Variants in PHTF2 observed in about 807,000 individuals in gnomAD.
The protein encoded by PHTF2 is putative homeodomain transcription factor 2.
A neutral mutation model predicts 101.2 loss-of-function variants in PHTF2; 60 were observed. The ratio of observed to expected loss-of-function variants is 0.59; its 90% CI spans 0.48 to 0.73. PHTF2 has a LOEUF of 0.73. Among genes scored for constraint, PHTF2 ranks in the 30% least tolerant of loss-of-function variants. PHTF2 has a pLI of 0.00. For missense variants in PHTF2, 747 were observed against 908.7 expected (o/e 0.82, Z 2.29); for synonymous variants, 311 against 307.3 (o/e 1.01, Z -0.13).
At chr7:77,919,858 T>C (rs1361429207) in intron 9 of PHTF2, among the ~76,000 whole-genome samples, 1 of 152,200 alleles carries the variant, frequency 6.6e-6, no homozygotes, top group Non-Finnish European at 1.5e-5. Context: ...AAATGAGTTG[T>C]ATACTAAAAG....
At chr7:77,831,259 G>A (rs1392066006) in intron 1 of PHTF2, among the ~76,000 whole-genome samples, 3 of 152,210 alleles carry the variant, frequency 2.0e-5, no homozygotes, top group African/African-American at 4.8e-5. Flanking sequence ...AAGAACAGAA[G>A]CAATTATGGA....
intron 3 of PHTF2, among the ~76,000 whole-genome samples, chr7:77,863,792 T>G (rs1272179515): frequency 4.0e-5 from 6 of 151,400 alleles, no homozygotes; most frequent in South Asian, 4.2e-4. Flanking sequence ...GTTTTGTTTT[T>G]TTTTTTTTTT....
chr7:77,933,824 A>G (rs1319104280), intron 12 of PHTF2, among the ~76,000 whole-genome samples: 1 of 151,954 alleles, frequency 6.6e-6, no homozygotes, highest in Non-Finnish European at 1.5e-5. Context: ...AAACATGCCA[A>G]TTAGGCCTTT....
chr7:77,945,866 C>T (rs984123927), intron 16 of PHTF2, among the ~76,000 whole-genome samples: 45 of 152,036 alleles, frequency 3.0e-4, no homozygotes, highest in African/African-American at 9.2e-4. Flanking sequence ...CCTCCATACC[C>T]GTATGGTTTT....
intron 1 of PHTF2, among the ~76,000 whole-genome samples, chr7:77,830,144 G>A (rs1163458854): frequency 6.6e-6 from 1 of 152,112 alleles, no homozygotes; most frequent in Non-Finnish European, 1.5e-5. Context: ...GTGTGGGTGG[G>A]AGGTGGGGGC....
At chr7:77,883,980 G>T (rs1203040948) in intron 3 of PHTF2, among the ~76,000 whole-genome samples, 1 of 152,210 alleles carries the variant, frequency 6.6e-6, no homozygotes, top group African/African-American at 2.4e-5. Flanking sequence ...TTTCAGTTCT[G>T]TGAAATGTGT....
intron 3 of PHTF2, among the ~76,000 whole-genome samples, chr7:77,879,248 G>A (rs941138765): frequency 4.6e-5 from 7 of 152,094 alleles, no homozygotes; most frequent in Admixed American, 2.0e-4. Context: ...AGATTCTACC[G>A]TAATCATAGT....
chr7:77,823,701 A>AT (rs140608292), intron 1 of PHTF2, among the ~76,000 whole-genome samples: 291 of 152,324 alleles, frequency 1.9e-3, no homozygotes, highest in Non-Finnish European at 3.4e-3. Context: ...TATATGGTAT[A>AT]TTTGTGAACC....
chr7:77,875,970 C>A (rs993230410), intron 3 of PHTF2, among the ~76,000 whole-genome samples: 16 of 152,118 alleles, frequency 1.1e-4, no homozygotes, highest in African/African-American at 3.9e-4. Flanking sequence ...CTGCTATTAT[C>A]CTGATTTTAT....
chr7:77,863,334 T>C (rs993462960), intron 3 of PHTF2, among the ~76,000 whole-genome samples: 6 of 152,206 alleles, frequency 3.9e-5, no homozygotes, highest in African/African-American at 7.2e-5. Flanking sequence ...CTTTTACAGC[T>C]TTGGGGAATC....
intron 3 of PHTF2, among the ~76,000 whole-genome samples, chr7:77,864,758 T>C (rs1482382592): frequency 6.6e-6 from 1 of 152,210 alleles, no homozygotes; most frequent in African/African-American, 2.4e-5. Context: ...GTGTGTGTTC[T>C]TTTTGTGGCA....
intron 5 of PHTF2, among the ~76,000 whole-genome samples, chr7:77,900,242 T>C (rs1004916564): frequency 3.3e-5 from 5 of 152,192 alleles, no homozygotes; most frequent in African/African-American, 9.7e-5. Flanking sequence ...TCTCAGCTGA[T>C]TGGCGTCTGC....
At chr7:77,831,656 A>G (rs1023371612) in intron 1 of PHTF2, among the ~76,000 whole-genome samples, 2 of 152,212 alleles carry the variant, frequency 1.3e-5, no homozygotes, top group South Asian at 2.1e-4. Context: ...TTGCCAACCA[A>G]TACCACAGCT....
At chr7:77,806,751 C>A (rs1793013577) in intron 1 of PHTF2, among the ~76,000 whole-genome samples, 1 of 151,858 alleles carries the variant, frequency 6.6e-6, no homozygotes, top group African/African-American at 2.4e-5. Context: ...TTTTTGGATT[C>A]TTTGAGTATT....
intron 12 of PHTF2, among the ~76,000 whole-genome samples, chr7:77,933,675 A>T (rs974797775): frequency 1.3e-5 from 2 of 151,788 alleles, no homozygotes; most frequent in Non-Finnish European, 2.9e-5. Flanking sequence ...ATTTTCCCAG[A>T]GATAACTATA....
chr7:77,889,267 T>A (rs1800147908), intron 3 of PHTF2, among the ~76,000 whole-genome samples: 1 of 152,178 alleles, frequency 6.6e-6, no homozygotes. Context: ...AAAGTGAGAC[T>A]AAAGGCTGGA....
At chr7:77,822,371 GA>G (rs1311129364) in intron 1 of PHTF2, among the ~76,000 whole-genome samples, 2 of 152,148 alleles carry the variant, frequency 1.3e-5, no homozygotes, top group African/African-American at 4.8e-5. Flanking sequence ...CTAACCTCCA[GA>G]GCAGGGTGCA....
At chr7:77,835,134 C>T (rs1404740972) in intron 1 of PHTF2, among the ~76,000 whole-genome samples, 6 of 151,692 alleles carry the variant, frequency 4.0e-5, no homozygotes, top group African/African-American at 9.7e-5. Context: ...ATTAGCCAGG[C>T]GTGGTGGTGG....
intron 3 of PHTF2, among the ~76,000 whole-genome samples, chr7:77,881,874 C>T (rs904826368): frequency 3.3e-5 from 5 of 152,192 alleles, no homozygotes; most frequent in African/African-American, 1.2e-4. Context: ...ACAGTACTTA[C>T]TTGATTCTGC....
Sources: gnomAD v4.1 joint callset for allele counts (sites outside exome capture counted in the v4.1 genomes callset) on GRCh38, gnomAD v4.1.1 for gene constraint, MANE v1.5 for transcripts, NCBI Gene and HGNC (gene_info 2026-07-23, HGNC 2026-07-21) for gene names.